Variants in MEF2A observed in about 807,000 individuals in gnomAD.
The protein encoded by MEF2A is myocyte enhancer factor 2A, also known as myocyte-specific enhancer factor 2A.
A neutral mutation model predicts 55.8 loss-of-function variants in MEF2A; 28 were observed. The observed-to-expected ratio is 0.50, with a 90% CI of 0.37 to 0.69. The LOEUF (loss-of-function observed/expected upper bound fraction) is 0.69. MEF2A is among the 30% of genes least tolerant of loss of function. The probability of loss-of-function intolerance (pLI) is 0.00; values close to 1 mark genes in which losing one functional copy is unlikely to be tolerated. For synonymous variants in MEF2A, 239 were observed against 227.1 expected (o/e 1.05, Z -0.47); for missense variants, 528 against 626.2 (o/e 0.84, Z 1.67).
intron 1 of MEF2A, among the ~76,000 whole-genome samples, chr15:99,578,775 G>A (rs1965090904): frequency 6.6e-6 from 1 of 152,202 alleles, no homozygotes; most frequent in Admixed American, 6.5e-5. Context: ...AATGAAGTTA[G>A]AGAAATAGCA....
chr15:99,595,744 C>T (rs143613759), intron 1 of MEF2A, among the ~76,000 whole-genome samples: 5 of 152,236 alleles, frequency 3.3e-5, no homozygotes, highest in Non-Finnish European at 7.4e-5. Flanking sequence ...CTGAAGATGG[C>T]GTCACAGAAC....
intron 5 of MEF2A, chr15:99,671,758 A>G (rs2050912344): frequency 1.6e-6 from 2 of 1,229,576 alleles, no homozygotes; most frequent in Admixed American, 3.1e-5. Context: ...AACAATAAGT[A>G]GAAGGGAAGA....
chr15:99,572,642 A>G (rs149122552), intron 1 of MEF2A, among the ~76,000 whole-genome samples: 5 of 152,288 alleles, frequency 3.3e-5, no homozygotes, highest in African/African-American at 1.2e-4. Flanking sequence ...GTTTTTTGCC[A>G]ATGATTGGAA....
chr15:99,706,922 G>T, intron 10 of MEF2A, 67 bp downstream of exon 10: 1 of 1,510,260 alleles, frequency 6.6e-7, no homozygotes, highest in South Asian at 1.3e-5. Flanking sequence ...GTGTGCTTCT[G>T]TGATTTTTTT....
intron 5 of MEF2A, among the ~76,000 whole-genome samples, chr15:99,672,539 A>G (rs117310365): frequency 0.043 from 6,541 of 152,266 alleles, 176 homozygotes; most frequent in Non-Finnish European, 0.059. Flanking sequence ...ATTAGTTTCA[A>G]TGCTGATATT....
At chr15:99,665,385 T>C (rs970383112) in intron 4 of MEF2A, among the ~76,000 whole-genome samples, 60 of 142,384 alleles carry the variant, frequency 4.2e-4, no homozygotes, top group African/African-American at 1.6e-3. Flanking sequence ...GCCAGCCATA[T>C]GCAGAAAGCT....
At chr15:99,690,976 A>G (rs2055315538) in intron 8 of MEF2A, among the ~76,000 whole-genome samples, 1 of 152,228 alleles carries the variant, frequency 6.6e-6, no homozygotes, top group African/African-American at 2.4e-5. Context: ...TTCCCAACAA[A>G]TAGAAAGGAT....
intron 1 of MEF2A, among the ~76,000 whole-genome samples, chr15:99,591,836 T>C (rs1232808254): frequency 6.6e-6 from 1 of 152,172 alleles, no homozygotes; most frequent in Non-Finnish European, 1.5e-5. Flanking sequence ...TTTTATTCTT[T>C]TAAAAATCAT....
intron 8 of MEF2A, among the ~76,000 whole-genome samples, chr15:99,699,755 C>T (rs2057083664): frequency 6.6e-6 from 1 of 152,070 alleles, no homozygotes; most frequent in Non-Finnish European, 1.5e-5. Flanking sequence ...AAATTCATCC[C>T]TCACATACAC....
At chr15:99,601,962 T>C (rs774659785) in intron 2 of MEF2A, among the ~76,000 whole-genome samples, 43 of 152,060 alleles carry the variant, frequency 2.8e-4, no homozygotes, top group Non-Finnish European at 5.3e-4. Flanking sequence ...AATTCACCAA[T>C]GAAGACCTCT....
chr15:99,708,415 T>C (rs1037565388), intron 10 of MEF2A, among the ~76,000 whole-genome samples: 2 of 152,198 alleles, frequency 1.3e-5, no homozygotes, highest in East Asian at 3.8e-4. Flanking sequence ...ATACTTATTT[T>C]TAGAAATGCC....
At chr15:99,637,500 G>T (rs572931516) in intron 3 of MEF2A, among the ~76,000 whole-genome samples, 2 of 152,178 alleles carry the variant, frequency 1.3e-5, no homozygotes, top group African/African-American at 2.4e-5. Context: ...CTTAAGAATT[G>T]CTAGATGACA....
At chr15:99,699,948 T>TTA (rs1217238460) in intron 8 of MEF2A, among the ~76,000 whole-genome samples, 4 of 132,648 alleles carry the variant, frequency 3.0e-5, no homozygotes, top group East Asian at 2.4e-4. Flanking sequence ...CAGTAAGAGT[T>TTA]TATATGTGTG....
intron 4 of MEF2A, among the ~76,000 whole-genome samples, chr15:99,651,955 C>T (rs1346429147): frequency 1.3e-5 from 2 of 152,046 alleles, no homozygotes; most frequent in Non-Finnish European, 2.9e-5. Context: ...TTGATGGATA[C>T]CTCCCTATGT....
chr15:99,678,067 CAA>C (rs2153662546), intron 7 of MEF2A, among the ~76,000 whole-genome samples: 1 of 152,212 alleles, frequency 6.6e-6, no homozygotes, highest in African/African-American at 2.4e-5. Context: ...ATTAACAAAA[CAA>C]ATACTGATTA....
At chr15:99,689,154 TGTTAGGGAAA>T (rs1308404125) in intron 7 of MEF2A, among the ~76,000 whole-genome samples, 1 of 152,224 alleles carries the variant, frequency 6.6e-6, no homozygotes, top group Admixed American at 6.5e-5. Context: ...TGGAAGGTTC[TGTTAGGGAAA>T]GTTTAGGAAT....
chr15:99,627,459 A>G (rs957239123), intron 2 of MEF2A, among the ~76,000 whole-genome samples: 4 of 145,436 alleles, frequency 2.8e-5, no homozygotes, highest in South Asian at 4.3e-4. Context: ...AAGACTTGCT[A>G]TAATTGTAGA....
intron 4 of MEF2A, among the ~76,000 whole-genome samples, chr15:99,652,784 G>A (rs2047066655): frequency 6.6e-6 from 1 of 152,162 alleles, no homozygotes; most frequent in South Asian, 2.1e-4. Flanking sequence ...TTTTTTGAAG[G>A]GAGTTGAAGA....
chr15:99,593,108 T>C lies in MEF2A; in HGVS notation c.-224-5322T>C, dbSNP rs564433504. On this transcript the variant is annotated intron_variant, in intron 1 of 11. Transcript: ENST00000557942. ...ATTTTAGGTTCATAATATGTTTCTT[T>C]TGGGCAGTGCTGCTCTAGAATCCCT... Among the ~76,000 whole-genome samples, 8 of 152,318 alleles carry C rather than the reference T, an allele frequency of 5.3e-5. No individual in the cohort carries two copies. In the East Asian group the frequency reaches 7.7e-4, roughly 15 times the overall value.
Sources: allele counts gnomAD v4.1 joint callset (sites outside exome capture counted in the v4.1 genomes callset), GRCh38; gene constraint gnomAD v4.1.1; transcripts MANE v1.5; gene names NCBI Gene and HGNC (gene_info 2026-07-23, HGNC 2026-07-21).